DHTKD1: variants seen among roughly 807,000 people sequenced by gnomAD.
DHTKD1 encodes the protein 2-oxoadipate dehydrogenase complex component E1.
Under a neutral mutation model 101.8 loss-of-function variants are expected in DHTKD1, and 78 were observed. That is an observed-to-expected ratio of 0.77 (90% CI 0.64 to 0.93). DHTKD1 has a LOEUF of 0.93. Ranked by LOEUF, DHTKD1 falls within the 40% of genes least tolerant of loss-of-function variation. The pLI, the probability that DHTKD1 is intolerant of heterozygous loss-of-function variation, is 0.00. For missense variants in DHTKD1, 1,223 were observed against 1,161.7 expected (o/e 1.05, Z -0.77); for synonymous variants, 462 against 450.3 (o/e 1.03, Z -0.33).
At position 12,120,942 on chromosome 10, in the gene DHTKD1, G is replaced by T; in HGVS notation, c.*54G>T. The T allele has an allele frequency of 2.6e-6, 4 of 1,520,510 alleles. No homozygotes were observed. The highest frequency in any genetic ancestry group is 4.6e-5 in the East Asian group (2 of 43,024). The allele number at this position is 1,520,510 out of a possible 1,614,324, so 94.2% of individuals were successfully genotyped here. On this transcript the variant is annotated 3_prime_UTR_variant, in exon 17 of 17. Transcript: ENST00000263035. The stretch of plus-strand genomic sequence containing the variant: ...CTTTAAGAAAATGGCCATTAAGGCC[G>T]GGTGGGGTGGCACATGCCTGTAATC...
At chr10:12,111,861 A>G (rs988299164) in intron 12 of DHTKD1, among the ~76,000 whole-genome samples, 2 of 152,182 alleles carry the variant, frequency 1.3e-5, no homozygotes, top group African/African-American at 4.8e-5. Context: ...CCCATCTCAG[A>G]CTGTTGGTCA....
chr10:12,115,798 C>T (rs1217626893), intron 13 of DHTKD1, among the ~76,000 whole-genome samples: 4 of 152,004 alleles, frequency 2.6e-5, no homozygotes, highest in African/African-American at 4.8e-5. Context: ...TTGAGAGTCT[C>T]GCTTTGTTGC....
In DHTKD1 at chr10:12,103,940, T is replaced by C. The variant is rs939456553; in HGVS notation, c.1897-2306T>C. Reference sequence around the variant, plus strand: ...CAGAGTTGTGTAATCATCACCACTATCTAATTTTAGAACATTTTCATTACC... The same window carrying C: ...CAGAGTTGTGTAATCATCACCACTACCTAATTTTAGAACATTTTCATTACC... On this transcript the variant is annotated intron_variant, in intron 10 of 16. Transcript: ENST00000263035. This position sits in a 1 kb window ranked among gnomAD's most constrained non-coding sequence, Gnocchi z 4.8. 2.0e-5 allele frequency among the ~76,000 whole-genome samples: 3 copies of C among 152,188 alleles called. No individual in the cohort carries two copies. The highest frequency in any genetic ancestry group is 1.9e-4 in the East Asian group (1 of 5,190).
At position 12,089,241 on chromosome 10, in the gene DHTKD1, G is replaced by C; in HGVS notation, c.973G>C (p.Val325Leu). The C allele has an allele frequency of 6.2e-7, 1 of 1,613,980 alleles. No homozygotes were observed. Among genetic ancestry groups the C allele is most frequent in the South Asian group, 1.1e-5 (1 of 91,080 alleles). ...CAACTCAGCCCAGCCGGGGGACAGG[G>C]TCATTTGCTTACAGGTACTTGGAGC... The part of the protein sequence containing the change: ...PDNSAQPGDR[V>L]ICLQVHGDAS... The change falls in exon 5 of 17, where the codon GTC becomes CTC. Residue 325 changes from valine to leucine, a missense_variant. Coordinates refer to ENST00000263035, the MANE Select transcript of DHTKD1 (RefSeq NM_018706.7).
intron 10 of DHTKD1, among the ~76,000 whole-genome samples, chr10:12,104,580 A>G (rs113028653): frequency 3.3e-4 from 51 of 152,258 alleles, no homozygotes; most frequent in African/African-American, 1.2e-3. Context: ...GTGTACAGTA[A>G]GGAACTTTTT....
chr10:12,072,008 C>A (rs1832657504), intron 1 of DHTKD1, among the ~76,000 whole-genome samples: 1 of 152,112 alleles, frequency 6.6e-6, no homozygotes, highest in African/African-American at 2.4e-5. Context: ...GAGATGAGAT[C>A]TTTCTATGTC....
rs11292752 is a variant in DHTKD1 at position 12,069,684 on chromosome 10, C to CTTTTTTTTT, written c.154+515_154+523dup. ...GACACAGAGGGATGACCACGCCCAG[C>CTTTTTTTTT]TTTTTTTTTTTTTTTTTTTTTTTTT... On this transcript the variant is annotated intron_variant, in intron 1 of 16. Transcript: ENST00000263035. Among the ~76,000 whole-genome samples, 4 of 25,484 alleles carry CTTTTTTTTT rather than the reference C, an allele frequency of 1.6e-4. 1 individual carries two copies. The highest frequency in any genetic ancestry group is 7.8e-4 in the Admixed American group (1 of 1,290). 16.7% of individuals were successfully genotyped at this position (25,484 alleles called of 152,430 possible). A position where few individuals can be genotyped will look rare whatever the true frequency, so the allele number is the denominator to read the frequency against.
rs1491201646 is a variant in DHTKD1 at position 12,111,064 on chromosome 10, A to AG, written c.2155-1833dup. 4.9e-4 allele frequency among the ~76,000 whole-genome samples: 74 copies of AG among 149,966 alleles called. No homozygotes were observed. The East Asian group carries it at 0.012, about 25-fold the overall frequency. On this transcript the variant is annotated intron_variant, in intron 12 of 16. Transcript: ENST00000263035. ...CTGTCTCAAAAAAAAAAAAAAAAAA[A>AG]GGGAGGAACATCAACTTAACTCTTT...
chr10:12,086,754 G>A (rs576446588), intron 3 of DHTKD1, among the ~76,000 whole-genome samples: 2 of 152,176 alleles, frequency 1.3e-5, no homozygotes, highest in African/African-American at 4.8e-5. Context: ...GCAGTGGCAC[G>A]ATCTCGGCTC....
intron 5 of DHTKD1, 87 bp downstream of exon 5, chr10:12,089,342 C>A: frequency 1.6e-6 from 2 of 1,268,838 alleles, no homozygotes; most frequent in Non-Finnish European, 2.2e-6. Context: ...ACATGGCAGA[C>A]ATTCATGATG....
chr10:12,109,632 A>C (rs1833299367), intron 12 of DHTKD1, among the ~76,000 whole-genome samples: 1 of 151,874 alleles, frequency 6.6e-6, no homozygotes, highest in African/African-American at 2.4e-5. Flanking sequence ...GGTGGGAGGA[A>C]GATCTTAGAA....
At chr10:12,088,733 G>C (rs1832941812) in intron 4 of DHTKD1, among the ~76,000 whole-genome samples, 1 of 151,870 alleles carries the variant, frequency 6.6e-6, no homozygotes, top group South Asian at 2.1e-4. Flanking sequence ...ACAGGTACCT[G>C]CCACCACACC....
In DHTKD1 at chr10:12,120,947, G is replaced by C; in HGVS notation, c.*59G>C. The C allele has an allele frequency of 6.6e-7, 1 of 1,507,136 alleles. No homozygotes were observed. Among genetic ancestry groups the C allele is most frequent in the Non-Finnish European group, 9.1e-7 (1 of 1,096,116 alleles). 93.4% of individuals were successfully genotyped at this position (1,507,136 alleles called of 1,614,324 possible). On this transcript the variant is annotated 3_prime_UTR_variant, in exon 17 of 17. Coordinates refer to ENST00000263035, the MANE Select transcript of DHTKD1 (RefSeq NM_018706.7). ...AGAAAATGGCCATTAAGGCCGGGTG[G>C]GGTGGCACATGCCTGTAATCCCAGC... is the stretch of plus-strand genomic sequence containing the variant.
intron 3 of DHTKD1, among the ~76,000 whole-genome samples, chr10:12,085,843 C>T (rs1323758434): frequency 1.3e-5 from 2 of 152,144 alleles, no homozygotes; most frequent in African/African-American, 2.4e-5. Context: ...GCCGAGATCA[C>T]ACCACTGCAG....
At chr10:12,101,277 G>A in intron 10 of DHTKD1, 96 bp downstream of exon 10, 1 of 1,403,634 alleles carries the variant, frequency 7.1e-7, no homozygotes, top group Non-Finnish European at 9.6e-7. Flanking sequence ...GCAACTTTGG[G>A]TTCAGTACTT....
rs750586229 is a variant in DHTKD1, at chr10:12,091,602, T to A, written c.1077T>A (p.Ser359Arg). 6.2e-7 allele frequency: 1 copy of A among 1,613,020 alleles called. No individual in the cohort carries two copies. The highest frequency in any genetic ancestry group is 2.2e-5 in the East Asian group (1 of 44,854). Reference sequence around the variant, plus strand: ...TCCCACATTTCAGAATTGGTGGGAGTGTGCATTTGATTGTTAATAACCAGC... The same window carrying A: ...TCCCACATTTCAGAATTGGTGGGAGAGTGCATTTGATTGTTAATAACCAGC... ...SNLPHFRIGG[S>R]VHLIVNNQLG... The change falls in exon 6 of 17, where the codon AGT (serine) becomes AGA (arginine). Residue 359 changes from serine to arginine, a missense_variant. Ser to Arg is a moderately radical substitution (Grantham distance 110). Coordinates refer to ENST00000263035, the MANE Select transcript of DHTKD1 (RefSeq NM_018706.7).
intron 1 of DHTKD1, 52 bp downstream of exon 1, chr10:12,069,239 C>T: frequency 1.4e-6 from 2 of 1,465,836 alleles, no homozygotes; most frequent in East Asian, 2.6e-5. Context: ...GCAGAAGCCT[C>T]CCCTGGCCGA....
chr10:12,081,758 G>A, intron 2 of DHTKD1, 131 bp downstream of exon 2: 1 of 943,828 alleles, frequency 1.1e-6, no homozygotes, highest in Non-Finnish European at 1.6e-6. Flanking sequence ...CGAGGGGCAT[G>A]TTGAAGTACG....
At chr10:12,096,547 G>A (rs1833073159) in intron 7 of DHTKD1, among the ~76,000 whole-genome samples, 1 of 152,076 alleles carries the variant, frequency 6.6e-6, no homozygotes, top group African/African-American at 2.4e-5. Flanking sequence ...CACTATGCCT[G>A]ACTAGATGGG....
Sources: gnomAD v4.1 joint callset for allele counts (sites outside exome capture counted in the v4.1 genomes callset) on GRCh38, gnomAD v4.1.1 for gene constraint, Gnocchi (gnomAD v3.1) non-coding constraint, MANE v1.5 for transcripts, NCBI Gene and HGNC (gene_info 2026-07-23, HGNC 2026-07-21) for gene names.